The following PRKAR2A variants were observed in gnomAD, a reference collection of about 807,000 sequenced individuals.
PRKAR2A encodes the protein protein kinase cAMP-dependent type II regulatory subunit alpha.
PRKAR2A carries 29 observed loss-of-function variants against 51.9 expected under a neutral mutation model. The ratio of observed to expected loss-of-function variants is 0.56; its 90% CI spans 0.42 to 0.76. The LOEUF (loss-of-function observed/expected upper bound fraction) is 0.76. Among genes scored for constraint, PRKAR2A ranks in the 30% least tolerant of loss-of-function variants. The pLI is 0.00. For missense variants in PRKAR2A, 445 were observed against 512.1 expected, an observed-to-expected ratio of 0.87 and a Z score of 1.26; for synonymous variants, 178 against 186.2, an observed-to-expected ratio of 0.96 and a Z score of 0.36.
In PRKAR2A at chr3:48,790,545, T is replaced by C. The variant is rs766465497; in HGVS notation, c.434A>G (p.Gln145Arg). 6.5e-7 allele frequency: 1 copy of C among 1,538,754 alleles called. No individual in the cohort carries two copies. The change falls in exon 4 of 11, where the codon CAG (glutamine) becomes CGG (arginine). Residue 145 changes from glutamine (Q) to arginine (R), a missense_variant and splice_region_variant. Physicochemically the swap from Gln to Arg is conservative, Grantham distance 43. Transcript: ENST00000265563. ...AAATACTTTAGAAATCAATGTTACCTGATCAAGATTTTTGAAAAGGAGAAT... is the reference window on the plus strand; with the variant it reads ...AAATACTTTAGAAATCAATGTTACCCGATCAAGATTTTTGAAAAGGAGAAT... ...KDILLFKNLD[Q>R]EQLSQVLDAM...
At chr3:48,791,074 G>A (rs1214244232) in intron 3 of PRKAR2A, among the ~76,000 whole-genome samples, 1 of 152,050 alleles carries the variant, frequency 6.6e-6, no homozygotes, top group Non-Finnish European at 1.5e-5. Context: ...AGATCACGAT[G>A]TCAGGAGATC....
downstream of PRKAR2A, among the ~76,000 whole-genome samples, chr3:48,745,378 TAC>T (rs1426551293): frequency 6.6e-6 from 1 of 152,108 alleles, no homozygotes; most frequent in Non-Finnish European, 1.5e-5. Context: ...GCAAGGGATA[TAC>T]AGGATACCCT....
At chr3:48,821,692 CG>C (rs1407261303) in intron 1 of PRKAR2A, among the ~76,000 whole-genome samples, 21 of 151,856 alleles carry the variant, frequency 1.4e-4, no homozygotes, top group Non-Finnish European at 2.6e-4. Context: ...CCGAGGCGGG[CG>C]GATCGCGAGG....
At chr3:48,794,151 TTTC>T (rs990397389) in intron 2 of PRKAR2A, 102 bp from the exon 3 acceptor site, 25 of 937,356 alleles carry the variant, frequency 2.7e-5, no homozygotes, top group Non-Finnish European at 3.6e-5. Context: ...ACTGTTTTCT[TTTC>T]TTTTTTTTTT....
At chr3:48,752,460 T>C (rs1379314060) in intron 9 of PRKAR2A, 143 bp from the exon 10 acceptor site, 18 of 908,726 alleles carry the variant, frequency 2.0e-5, no homozygotes, top group Non-Finnish European at 3.3e-6. Context: ...AACTGTACCA[T>C]GTAAACTCCA....
intron 2 of PRKAR2A, among the ~76,000 whole-genome samples, chr3:48,795,364 A>C (rs2082474934): frequency 6.6e-6 from 1 of 152,174 alleles, no homozygotes; most frequent in Non-Finnish European, 1.5e-5. Context: ...AAGGACCCTA[A>C]AACGAAGTAC....
intron 10 of PRKAR2A, 42 bp from the exon 11 acceptor site, chr3:48,751,760 C>T: frequency 1.3e-6 from 2 of 1,581,782 alleles, no homozygotes; most frequent in Middle Eastern, 1.7e-4. Flanking sequence ...TGAATTCAAG[C>T]CATTTCCCTC....
intron 1 of PRKAR2A, among the ~76,000 whole-genome samples, chr3:48,829,871 A>ATATATATTT (rs1297832658): frequency 3.2e-4 from 28 of 87,726 alleles, no homozygotes; most frequent in South Asian, 3.7e-4. Context: ...ATATATATAT[A>ATATATATTT]TTTTTTTTTT....
intron 4 of PRKAR2A, among the ~76,000 whole-genome samples, chr3:48,786,554 T>C (rs1053818258): frequency 6.7e-6 from 1 of 149,894 alleles, no homozygotes. Flanking sequence ...TCCCAGCACT[T>C]TGGGAGGCAG....
In PRKAR2A at chr3:48,807,654, A is replaced by T; in HGVS notation, c.293T>A (p.Val98Glu). Residue 98 changes from valine (V) to glutamate (E), a missense_variant, in exon 2 of 11, where the codon GTA becomes GAA. Coordinates refer to ENST00000265563, the MANE Select transcript of PRKAR2A (RefSeq NM_004157.4). ...TTATGAAATAGAACACATACCTGAT[A>T]CTCGTCTATTAAATCTGCTAGGAAC... The part of the protein sequence containing the change: ...VPVPSRFNRR[V>E]SVCAETYNPD... 5 of 1,597,042 alleles carry T rather than the reference A, an allele frequency of 3.1e-6. No individual in the cohort carries two copies. Among genetic ancestry groups the T allele is most frequent in the Non-Finnish European group, 4.3e-6 (5 of 1,165,280 alleles).
rs951556429 is a variant in PRKAR2A, at chr3:48,748,269, G to A, written c.*3316C>T. 6 of 150,528 alleles carry A rather than the reference G, an allele frequency of 4.0e-5. No individual in the cohort carries two copies. Among genetic ancestry groups the A allele is most frequent in the Non-Finnish European group, 7.4e-5 (5 of 67,788 alleles). 9.3% of individuals were successfully genotyped at this position (150,528 alleles called of 1,614,324 possible). On this transcript the variant is annotated 3_prime_UTR_variant, in exon 11 of 11. Transcript: ENST00000265563. ...CAGCCTACTGAGTGTGCACCACCAG[G>A]TCCAGCTAATTGTTTTTTTAACTTT...
intron 8 of PRKAR2A, among the ~76,000 whole-genome samples, chr3:48,756,868 C>A (rs1296503165): frequency 2.0e-5 from 3 of 152,220 alleles, no homozygotes; most frequent in Non-Finnish European, 4.4e-5. Context: ...GCCCTTTGAC[C>A]ATCACACAGA....
At chr3:48,842,176 T>C (rs1345360561) in intron 1 of PRKAR2A, among the ~76,000 whole-genome samples, 1 of 152,224 alleles carries the variant, frequency 6.6e-6, no homozygotes, top group Non-Finnish European at 1.5e-5. Context: ...TTTGAAGCAA[T>C]TGTGAATGGG....
intron 5 of PRKAR2A, among the ~76,000 whole-genome samples, chr3:48,773,492 C>T (rs1049024753): frequency 9.9e-5 from 15 of 151,588 alleles, no homozygotes; most frequent in Non-Finnish European, 1.8e-4. Flanking sequence ...TACAGGCACG[C>T]GCCACCAGGC....
At chr3:48,800,063 T>C (rs971075196) in intron 2 of PRKAR2A, among the ~76,000 whole-genome samples, 1 of 151,888 alleles carries the variant, frequency 6.6e-6, no homozygotes, top group African/African-American at 2.4e-5. Context: ...TTTCACTATG[T>C]TGGTGAGGCT....
rs35978535 is a variant in PRKAR2A at position 48,791,592 on chromosome 3, C to CAAAA, written c.352-969_352-966dup. 4.3e-4 allele frequency among the ~76,000 whole-genome samples: 18 copies of CAAAA among 41,772 alleles called. 1 individual carries two copies. Among genetic ancestry groups the CAAAA allele is most frequent in the Non-Finnish European group, 5.5e-4 (14 of 25,308 alleles). 27.4% of individuals were successfully genotyped at this position (41,772 alleles called of 152,430 possible). ...CTGGCGACAGAGCAAGATTCCGTCT[C>CAAAA]AAAAAAAAAAAAAAAAAAAAAAAGC... On this transcript the variant is annotated intron_variant, in intron 3 of 10. Coordinates refer to ENST00000265563, the MANE Select transcript of PRKAR2A (RefSeq NM_004157.4).
intron 5 of PRKAR2A, among the ~76,000 whole-genome samples, chr3:48,778,979 C>A (rs771410490): frequency 1.3e-5 from 2 of 152,072 alleles, no homozygotes; most frequent in Non-Finnish European, 2.9e-5. Context: ...GCGCCCACCA[C>A]CATGTCCAGC....
intron 1 of PRKAR2A, among the ~76,000 whole-genome samples, chr3:48,836,902 G>A (rs1023290899): frequency 2.0e-5 from 3 of 151,926 alleles, no homozygotes; most frequent in Non-Finnish European, 4.4e-5. Flanking sequence ...GAGATGAGGC[G>A]AGCAAATCAC....
At chr3:48,752,524 G>A (rs2081667753) in intron 9 of PRKAR2A, among the ~76,000 whole-genome samples, 1 of 152,140 alleles carries the variant, frequency 6.6e-6, no homozygotes, top group Admixed American at 6.6e-5. Context: ...TTTACCTAGA[G>A]CTCGGAGTCC....
Sources: allele counts gnomAD v4.1 joint callset (sites outside exome capture counted in the v4.1 genomes callset), GRCh38; gene constraint gnomAD v4.1.1; transcripts MANE v1.5; gene names NCBI Gene and HGNC (gene_info 2026-07-23, HGNC 2026-07-21).